NTF3: variants seen among roughly 807,000 people sequenced by gnomAD.
The protein encoded by NTF3 is neurotrophin-3.
Under a neutral mutation model 26.3 loss-of-function variants are expected in NTF3, and 8 were observed. That is an observed-to-expected ratio of 0.30 (90% confidence interval 0.18 to 0.55). NTF3 has a LOEUF of 0.55. Among genes scored for constraint, NTF3 ranks in the 20% least tolerant of loss-of-function variants. The probability of loss-of-function intolerance (pLI) is 0.93; values close to 1 mark genes in which losing one functional copy is unlikely to be tolerated. For missense variants in NTF3, 276 were observed against 352.9 expected (o/e 0.78, Z 1.75); for synonymous variants, 154 against 145.5 (o/e 1.06, Z -0.42).
intron 1 of NTF3, among the ~76,000 whole-genome samples, chr12:5,474,951 G>T (rs1231190766): frequency 6.6e-6 from 1 of 152,160 alleles, no homozygotes; most frequent in African/African-American, 2.4e-5. Context: ...AGCAGGGTTT[G>T]GGGGAGGATG....
chr12:5,444,981 T>C (rs1262023855), intron 1 of NTF3, among the ~76,000 whole-genome samples: 1 of 152,212 alleles, frequency 6.6e-6, no homozygotes, highest in African/African-American at 2.4e-5. Context: ...GACACATGGA[T>C]TAAAATATCT....
chr12:5,445,631 G>A (rs529141455), intron 1 of NTF3, among the ~76,000 whole-genome samples: 21 of 152,316 alleles, frequency 1.4e-4, no homozygotes, highest in African/African-American at 5.1e-4. Flanking sequence ...TTTGCTAACA[G>A]TGATTGCTCA....
At chr12:5,492,246 T>A (rs1713809162) in intron 1 of NTF3, among the ~76,000 whole-genome samples, 1 of 152,212 alleles carries the variant, frequency 6.6e-6, no homozygotes, top group Admixed American at 6.5e-5. Flanking sequence ...TTGACTCTTA[T>A]TCTACCTGGG....
At chr12:5,487,932 G>A (rs998264988) in intron 1 of NTF3, among the ~76,000 whole-genome samples, 9 of 152,130 alleles carry the variant, frequency 5.9e-5, no homozygotes, top group South Asian at 2.1e-4. Context: ...GCAGGTTTTG[G>A]GGACCATCTC....
chr12:5,493,301 G>A (rs570952475), intron 1 of NTF3, among the ~76,000 whole-genome samples: 2 of 152,332 alleles, frequency 1.3e-5, no homozygotes, highest in Admixed American at 6.5e-5. Flanking sequence ...TTTCAACAAG[G>A]AAATAGTAGA....
At position 5,440,106 on chromosome 12, in the gene NTF3, C is replaced by G. The variant is rs80028698; in HGVS notation, c.18+7764C>G. On this transcript the variant is annotated intron_variant, in intron 1 of 1. Transcript: ENST00000423158. ...GAAGATTGTGACTAAAGGCTCATTCCTTCTTCCTCCACTGATTTCCTCACC... is the reference window on the plus strand; with the variant it reads ...GAAGATTGTGACTAAAGGCTCATTCGTTCTTCCTCCACTGATTTCCTCACC... Among the ~76,000 whole-genome samples the G allele has an allele frequency of 6.6e-3, 1,008 of 152,300 alleles. 12 individuals are homozygous for G. The highest frequency in any genetic ancestry group is 0.021 in the African/African-American group (892 of 41,568).
At chr12:5,451,453 T>C (rs555408109) in intron 1 of NTF3, among the ~76,000 whole-genome samples, 101 of 152,286 alleles carry the variant, frequency 6.6e-4, no homozygotes, top group African/African-American at 2.4e-3. Context: ...AGCTAAGCCT[T>C]TGGGGATCCT....
At chr12:5,469,004 C>A (rs1940629451) in intron 1 of NTF3, among the ~76,000 whole-genome samples, 2 of 152,002 alleles carry the variant, frequency 1.3e-5, no homozygotes, top group South Asian at 4.1e-4. Flanking sequence ...ACCTATAGTC[C>A]CAGCTACTGG....
intron 1 of NTF3, among the ~76,000 whole-genome samples, chr12:5,475,155 G>A (rs1940706737): frequency 6.6e-6 from 1 of 152,186 alleles, no homozygotes; most frequent in African/African-American, 2.4e-5. Context: ...ATCCTCAGAT[G>A]AGAAGGGAAA....
At chr12:5,434,472 A>AGTGTGTGTGTGTGTGTGT (rs59874216) in intron 1 of NTF3, among the ~76,000 whole-genome samples, 15 of 142,692 alleles carry the variant, frequency 1.1e-4, no homozygotes, top group African/African-American at 2.1e-4. Flanking sequence ...GTTTTTCCAA[A>AGTGTGTGTGTGTGTGTGT]GTGTGTGTGT....
In NTF3 at chr12:5,491,719, T is replaced by C. The variant is rs1008156418; in HGVS notation, c.19-2475T>C. The stretch of plus-strand genomic sequence containing the variant: ...TTTCCTGTGGGTCTCTCCTCTTCTT[T>C]TTTTTTTTTTTTTTTTTTGAATTGG... On this transcript the variant is annotated intron_variant, in intron 1 of 1. Coordinates refer to ENST00000423158, the MANE Select transcript of NTF3 (RefSeq NM_001102654.2). Among the ~76,000 whole-genome samples the C allele has an allele frequency of 1.1e-3, 149 of 137,436 alleles. 2 individuals carry two copies. Among genetic ancestry groups the C allele is most frequent in the African/African-American group, 3.7e-3 (136 of 37,066 alleles). 90.2% of individuals were successfully genotyped at this position (137,436 alleles called of 152,430 possible). A position where few individuals can be genotyped will look rare whatever the true frequency, so the allele number is the denominator to read the frequency against.
chr12:5,481,072 C>T (rs1254610433), intron 1 of NTF3, among the ~76,000 whole-genome samples: 3 of 152,038 alleles, frequency 2.0e-5, no homozygotes, highest in Non-Finnish European at 2.9e-5. Context: ...AGAGCTGGCT[C>T]GCTGCTCTGT....
At chr12:5,443,791 A>G (rs1212960329) in intron 1 of NTF3, among the ~76,000 whole-genome samples, 1 of 152,092 alleles carries the variant, frequency 6.6e-6, no homozygotes, top group African/African-American at 2.4e-5. Context: ...CATTTAAACC[A>G]CCACCAAGGA....
intron 1 of NTF3, among the ~76,000 whole-genome samples, chr12:5,448,095 C>G (rs1163282849): frequency 6.6e-6 from 1 of 152,236 alleles, no homozygotes; most frequent in Non-Finnish European, 1.5e-5. Context: ...ACACTTGCAC[C>G]TGTATCTGTG....
chr12:5,449,267 A>G (rs974412864), intron 1 of NTF3, among the ~76,000 whole-genome samples: 2 of 152,196 alleles, frequency 1.3e-5, no homozygotes, highest in Admixed American at 1.3e-4. Flanking sequence ...CAGAGCGTTA[A>G]TAGGAGCTCT....
intron 1 of NTF3, among the ~76,000 whole-genome samples, chr12:5,449,357 C>G (rs1940345919): frequency 6.6e-6 from 1 of 152,202 alleles, no homozygotes; most frequent in Non-Finnish European, 1.5e-5. Context: ...TCTCACGGCT[C>G]TTCTCCTTTT....
intron 1 of NTF3, among the ~76,000 whole-genome samples, chr12:5,436,075 G>A (rs530325677): frequency 3.8e-4 from 58 of 152,344 alleles, no homozygotes; most frequent in Admixed American, 1.4e-3. Context: ...CAAAGGTGTC[G>A]TTGATCGGGT....
chr12:5,432,162 C>G lies in NTF3; in HGVS notation c.-163C>G. On this transcript the variant is annotated 5_prime_UTR_variant, in exon 1 of 2. Transcript: ENST00000423158. ...AACAGCTCCGCGCACCGCCCCGCGA[C>G]GCAGCCCGGCGCAACTACTTTCTTC... 1.3e-6 allele frequency: 1 copy of G among 794,442 alleles called. No individual in the cohort carries two copies. Among genetic ancestry groups the G allele is most frequent in the Middle Eastern group, 2.3e-4 (1 of 4,368 alleles). The allele number at this position is 794,442 out of a possible 1,614,324, so 49.2% of individuals were successfully genotyped here. A position where few individuals can be genotyped will look rare whatever the true frequency, so the allele number is the denominator to read the frequency against.
intron 1 of NTF3, among the ~76,000 whole-genome samples, chr12:5,483,725 G>A (rs1356871896): frequency 2.6e-5 from 4 of 152,214 alleles, no homozygotes; most frequent in Admixed American, 6.5e-5. Flanking sequence ...AGGTCTTTGA[G>A]GAATCGCATT....
Sources: allele counts gnomAD v4.1 joint callset (sites outside exome capture counted in the v4.1 genomes callset), GRCh38; gene constraint gnomAD v4.1.1; transcripts MANE v1.5; gene names NCBI Gene and HGNC (gene_info 2026-07-23, HGNC 2026-07-21).